The following FOXN3 variants were observed in gnomAD, a reference collection of about 807,000 sequenced individuals.
The protein encoded by FOXN3 is forkhead box protein N3.
FOXN3 carries 7 observed loss-of-function variants against 38.4 expected under a neutral mutation model. The observed-to-expected ratio is 0.18, with a 90% CI of 0.10 to 0.34. The LOEUF (loss-of-function observed/expected upper bound fraction) is 0.34. FOXN3 is among the 10% of genes least tolerant of loss of function. The probability of loss-of-function intolerance (pLI) is 1.00; values close to 1 mark genes in which losing one functional copy is unlikely to be tolerated. For synonymous variants in FOXN3, 230 were observed against 242.2 expected, an observed-to-expected ratio of 0.95 and a Z score of 0.47; for missense variants, 456 against 613.4, an observed-to-expected ratio of 0.74 and a Z score of 2.71.
intron 1 of FOXN3, among the ~76,000 whole-genome samples, chr14:89,528,460 G>A (rs1337891205): frequency 5.3e-5 from 7 of 132,364 alleles, no homozygotes; most frequent in Non-Finnish European, 1.1e-4. Context: ...GCAATGGCAC[G>A]ATCTTGGCTC....
At chr14:89,421,168 G>A (rs1228844429), upstream of FOXN3, among the ~76,000 whole-genome samples, 103 of 100,874 alleles carry the variant, frequency 1.0e-3, 1 homozygote, top group Non-Finnish European at 1.4e-4. Context: ...TTTTTTTTGA[G>A]ACAAGAGTTT....
chr14:89,549,448 C>A lies in FOXN3; in HGVS notation c.-15+69580G>T, dbSNP rs541627993. Among the ~76,000 whole-genome samples, 30 of 152,218 alleles carry A rather than the reference C, an allele frequency of 2.0e-4. No homozygotes were observed. In the South Asian group the frequency reaches 6.0e-3, roughly 31 times the overall value. On this transcript the variant is annotated intron_variant, in intron 1 of 6. Coordinates refer to the FOXN3 transcript ENST00000345097. Reference sequence around the variant, plus strand: ...CAACAATCCCAATTACAACGACATTCGAAAACATCCGGAAAGACGCATCCT... The same window carrying A: ...CAACAATCCCAATTACAACGACATTAGAAAACATCCGGAAAGACGCATCCT...
intron 3 of FOXN3, among the ~76,000 whole-genome samples, chr14:89,334,923 C>A (rs557664655): frequency 6.6e-6 from 1 of 151,980 alleles, no homozygotes; most frequent in South Asian, 2.1e-4. Flanking sequence ...TGCACCACCA[C>A]ACCCAGCTAA....
intron 4 of FOXN3, among the ~76,000 whole-genome samples, chr14:89,218,544 T>C (rs1024482517): frequency 1.3e-5 from 2 of 152,272 alleles, no homozygotes; most frequent in Non-Finnish European, 2.9e-5. Flanking sequence ...TATACATTGT[T>C]CTACAGCTTG....
intron 4 of FOXN3, among the ~76,000 whole-genome samples, chr14:89,212,942 T>C (rs779420005): frequency 1.5e-4 from 23 of 152,148 alleles, no homozygotes; most frequent in Admixed American, 2.6e-4. Flanking sequence ...GTCTTTTAAG[T>C]TGACAATTTC....
intron 1 of FOXN3, among the ~76,000 whole-genome samples, chr14:89,511,228 T>TC (rs1443252576): frequency 3.2e-4 from 8 of 24,906 alleles, no homozygotes; most frequent in African/African-American, 5.2e-4. Flanking sequence ...TCTTTCTTTC[T>TC]TTTCTTTCCT....
intron 1 of FOXN3, among the ~76,000 whole-genome samples, chr14:89,535,857 T>G (rs1455048257): frequency 6.6e-6 from 1 of 152,228 alleles, no homozygotes; most frequent in Non-Finnish European, 1.5e-5. Flanking sequence ...GAGTCACAAT[T>G]GATTTTCTGT....
At chr14:89,431,612 T>C (rs1489393205) in intron 1 of FOXN3, among the ~76,000 whole-genome samples, 1 of 152,232 alleles carries the variant, frequency 6.6e-6, no homozygotes, top group Non-Finnish European at 1.5e-5. Context: ...TTTTATTTTG[T>C]TTCGATATGT....
At chr14:89,576,532 A>G (rs1319518917) in intron 1 of FOXN3, 1 of 67,482 alleles carries the variant, frequency 1.5e-5, no homozygotes, top group Admixed American at 2.0e-4. Flanking sequence ...AAATGCTGTT[A>G]CCTACAAAAA....
At chr14:89,386,835 T>C (rs1014611008) in intron 2 of FOXN3, among the ~76,000 whole-genome samples, 3 of 152,154 alleles carry the variant, frequency 2.0e-5, no homozygotes, top group Non-Finnish European at 4.4e-5. Context: ...CTGCCCTTGG[T>C]GTGCGTGCAT....
chr14:89,396,521 A>C (rs761597145), intron 2 of FOXN3, among the ~76,000 whole-genome samples: 2 of 152,152 alleles, frequency 1.3e-5, no homozygotes, highest in Non-Finnish European at 2.9e-5. Context: ...CCAGGTACAG[A>C]TGCTGGACTG....
At chr14:89,187,587 T>C (rs1394671590) in intron 4 of FOXN3, among the ~76,000 whole-genome samples, 2 of 152,230 alleles carry the variant, frequency 1.3e-5, no homozygotes, top group African/African-American at 4.8e-5. Context: ...CTAATCATTC[T>C]GCCTGTAATG....
chr14:89,500,752 G>T (rs8018053), intron 1 of FOXN3, among the ~76,000 whole-genome samples: 25,482 of 152,214 alleles, frequency 0.17, 5,100 homozygotes, highest in African/African-American at 0.49. Flanking sequence ...AGGTGGCTTT[G>T]TTCCTGGAGC....
At chr14:89,491,944 A>C (rs1893585091) in intron 1 of FOXN3, among the ~76,000 whole-genome samples, 1 of 152,212 alleles carries the variant, frequency 6.6e-6, no homozygotes, top group Middle Eastern at 3.2e-3. Flanking sequence ...TTCTTACAAA[A>C]GAGTTAAAAT....
chr14:89,454,219 G>A (rs191306412), intron 1 of FOXN3, among the ~76,000 whole-genome samples: 2 of 152,266 alleles, frequency 1.3e-5, no homozygotes, highest in East Asian at 1.9e-4. Context: ...TTTGAGAATC[G>A]CTTGAATCCA....
intron 5 of FOXN3, among the ~76,000 whole-genome samples, chr14:89,180,058 G>A (rs1482599085): frequency 1.3e-5 from 2 of 152,208 alleles, no homozygotes; most frequent in Admixed American, 6.5e-5. Context: ...GATGGGAGGA[G>A]GCTCCGCCAA....
chr14:89,285,249 C>T (rs192799898), intron 3 of FOXN3, among the ~76,000 whole-genome samples: 7 of 152,258 alleles, frequency 4.6e-5, no homozygotes, highest in Admixed American at 3.3e-4. Context: ...GGCCAGGCAT[C>T]GTGGCTCACG....
At chr14:89,443,967 C>T (rs10130412) in intron 1 of FOXN3, among the ~76,000 whole-genome samples, 3,236 of 135,522 alleles carry the variant, frequency 0.024, 35 homozygotes, top group Middle Eastern at 0.045. Context: ...CAAGATCATG[C>T]CATTGCATTC....
At chr14:89,167,497 G>C (rs1309914861) in intron 5 of FOXN3, among the ~76,000 whole-genome samples, 3 of 152,234 alleles carry the variant, frequency 2.0e-5, no homozygotes, top group African/African-American at 7.2e-5. Context: ...GTGAAAAGTA[G>C]ATGGGATTAA....
Sources: gnomAD v4.1 joint callset for allele counts (sites outside exome capture counted in the v4.1 genomes callset) on GRCh38, gnomAD v4.1.1 for gene constraint, MANE v1.5 for transcripts, NCBI Gene and HGNC (gene_info 2026-07-23, HGNC 2026-07-21) for gene names.